PPARGC1A: variants seen among roughly 807,000 people sequenced by gnomAD.
PPARGC1A encodes the protein PPARG coactivator 1 alpha, also known as peroxisome proliferator-activated receptor gamma coactivator 1-alpha.
In PPARGC1A, 25 loss-of-function variants were observed where a neutral mutation model predicts 88.7. The observed-to-expected ratio is 0.28, with a 90% CI of 0.21 to 0.39. The LOEUF (loss-of-function observed/expected upper bound fraction) is 0.39. Among genes scored for constraint, PPARGC1A ranks in the 10% least tolerant of loss-of-function variants. PPARGC1A has a pLI of 1.00. For missense variants in PPARGC1A, 880 were observed against 968.7 expected, an observed-to-expected ratio of 0.91 and a Z score of 1.22; for synonymous variants, 363 against 355.6, an observed-to-expected ratio of 1.02 and a Z score of -0.24.
the PPARGC1A span, among the ~76,000 whole-genome samples, chr4:24,187,389 G>C: frequency 6.6e-6 from 1 of 152,208 alleles, no homozygotes; most frequent in Non-Finnish European, 1.5e-5. Flanking sequence ...CAGCTAGTAA[G>C]TGCTGAGTCT....
the PPARGC1A span, among the ~76,000 whole-genome samples, chr4:24,006,824 T>C: frequency 3.9e-5 from 6 of 152,182 alleles, no homozygotes; most frequent in Admixed American, 2.6e-4. Context: ...ACAGCAACAC[T>C]TCTGAGGTCT....
At chr4:24,463,022 C>G in the PPARGC1A span, among the ~76,000 whole-genome samples, 3 of 152,030 alleles carry the variant, frequency 2.0e-5, no homozygotes. Flanking sequence ...CCGCCAACTT[C>G]TAGAGATTTT....
the PPARGC1A span, among the ~76,000 whole-genome samples, chr4:24,394,494 A>AT: frequency 1.3e-5 from 2 of 152,194 alleles, no homozygotes; most frequent in Non-Finnish European, 2.9e-5. Flanking sequence ...TAAGAAGAAA[A>AT]CGCTGGTTGT....
At chr4:23,898,300 C>T (rs1298647771) in intron 1 of PPARGC1A, among the ~76,000 whole-genome samples, 1 of 152,142 alleles carries the variant, frequency 6.6e-6, no homozygotes, top group Non-Finnish European at 1.5e-5. Flanking sequence ...GTTACCTTTT[C>T]AACTTTTTCC....
chr4:23,850,358 T>A (rs1374268644), intron 2 of PPARGC1A, among the ~76,000 whole-genome samples: 1 of 152,238 alleles, frequency 6.6e-6, no homozygotes, highest in African/African-American at 2.4e-5. Context: ...TTTGAGCTTC[T>A]GTGACAGTGC....
At chr4:23,836,317 A>G (rs933882264) in intron 2 of PPARGC1A, among the ~76,000 whole-genome samples, 2 of 152,172 alleles carry the variant, frequency 1.3e-5, no homozygotes, top group Admixed American at 6.5e-5. Flanking sequence ...CTCTGTGGCT[A>G]TCAAACAGCA....
chr4:24,052,854 A>ATTTTTT, the PPARGC1A span, among the ~76,000 whole-genome samples: 4 of 65,790 alleles, frequency 6.1e-5, no homozygotes, highest in Admixed American at 2.0e-4. Flanking sequence ...GCGTACGCAG[A>ATTTTTT]TTTTTTTTTT....
At chr4:24,267,426 T>G in the PPARGC1A span, among the ~76,000 whole-genome samples, 2 of 152,216 alleles carry the variant, frequency 1.3e-5, no homozygotes, top group African/African-American at 4.8e-5. Context: ...CCCCTTCCCT[T>G]TCCCCTTCAC....
At chr4:24,457,770 A>G in the PPARGC1A span, among the ~76,000 whole-genome samples, 1 of 152,082 alleles carries the variant, frequency 6.6e-6, no homozygotes, top group African/African-American at 2.4e-5. Flanking sequence ...TAACCATGTT[A>G]GCCAGGATGG....
chr4:24,214,956 T>C, the PPARGC1A span, among the ~76,000 whole-genome samples: 1 of 152,224 alleles, frequency 6.6e-6, no homozygotes, highest in South Asian at 2.1e-4. Flanking sequence ...CTGCTCATTG[T>C]AACCAACAAA....
chr4:24,258,913 G>A, the PPARGC1A span, among the ~76,000 whole-genome samples: 1 of 152,108 alleles, frequency 6.6e-6, no homozygotes, highest in African/African-American at 2.4e-5. Context: ...TGTAAGTTTA[G>A]AACTGTGTGT....
At chr4:23,964,013 T>A in the PPARGC1A span, among the ~76,000 whole-genome samples, 1 of 152,176 alleles carries the variant, frequency 6.6e-6, no homozygotes, top group African/African-American at 2.4e-5. Flanking sequence ...CACCACCATT[T>A]TGGCTAAGGG....
rs1338087689 is a variant in PPARGC1A, at chr4:23,792,076, A to T, written c.*3746T>A. 1.3e-5 allele frequency: 2 copies of T among 152,616 alleles called. No homozygotes were observed. Among genetic ancestry groups the T allele is most frequent in the Non-Finnish European group, 2.9e-5 (2 of 68,026 alleles). The allele number at this position is 152,616 out of a possible 1,614,324, so 9.5% of individuals were successfully genotyped here. ...GCTCAGTGAGGCTGATGTGTACTGC[A>T]CATTTAAAAAAAATCACAGGAATTT... On this transcript the variant is annotated 3_prime_UTR_variant, in exon 13 of 13. Coordinates refer to ENST00000264867, the MANE Select transcript of PPARGC1A (RefSeq NM_013261.5).
chr4:24,437,516 C>T, the PPARGC1A span, among the ~76,000 whole-genome samples: 2 of 152,148 alleles, frequency 1.3e-5, no homozygotes, highest in Non-Finnish European at 2.9e-5. Context: ...GGAGATGAGG[C>T]TGGCAACCCC....
the PPARGC1A span, among the ~76,000 whole-genome samples, chr4:24,334,126 A>G: frequency 2.0e-5 from 3 of 151,994 alleles, no homozygotes; most frequent in East Asian, 5.8e-4. Flanking sequence ...GGGATCCTGT[A>G]TTTCTAACAG....
chr4:23,888,493 C>T (rs1717283100), intron 1 of PPARGC1A, among the ~76,000 whole-genome samples: 1 of 152,174 alleles, frequency 6.6e-6, no homozygotes, highest in Non-Finnish European at 1.5e-5. Flanking sequence ...ACAGGACACT[C>T]CGGCTACTCA....
chr4:24,240,903 A>G, the PPARGC1A span, among the ~76,000 whole-genome samples: 2 of 152,250 alleles, frequency 1.3e-5, no homozygotes, highest in East Asian at 1.9e-4. Flanking sequence ...CTGAACTCTG[A>G]GATCATTGGT....
the PPARGC1A span, among the ~76,000 whole-genome samples, chr4:24,190,661 C>T: frequency 4.6e-5 from 7 of 152,300 alleles, no homozygotes; most frequent in African/African-American, 9.6e-5. Context: ...AACTTAGCCT[C>T]GAAGAGATGA....
the PPARGC1A span, among the ~76,000 whole-genome samples, chr4:24,374,769 G>C: frequency 9.2e-5 from 14 of 152,062 alleles, no homozygotes; most frequent in Non-Finnish European, 1.9e-4. Context: ...TGAATAAATT[G>C]AAACCCTCAT....
Sources: gnomAD v4.1 joint callset for allele counts (sites outside exome capture counted in the v4.1 genomes callset) on GRCh38, gnomAD v4.1.1 for gene constraint, MANE v1.5 for transcripts, NCBI Gene and HGNC (gene_info 2026-07-23, HGNC 2026-07-21) for gene names.